The following ADGRB3 variants were observed in gnomAD, a reference collection of about 807,000 sequenced individuals.
ADGRB3 encodes brain-specific angiogenesis inhibitor 3.
ADGRB3 carries 37 observed loss-of-function variants against 193.4 expected under a neutral mutation model. That is an observed-to-expected ratio of 0.19 (90% confidence interval 0.15 to 0.25). ADGRB3 has a LOEUF of 0.25. Ranked by LOEUF, ADGRB3 falls within the 10% of genes least tolerant of loss-of-function variation. The pLI, the probability that ADGRB3 is intolerant of heterozygous loss-of-function variation, is 1.00. For missense variants in ADGRB3, 1,637 were observed against 1,852.9 expected, an observed-to-expected ratio of 0.88 and a Z score of 2.14; for synonymous variants, 690 against 644.2, an observed-to-expected ratio of 1.07 and a Z score of -1.08.
intron 17 of ADGRB3, among the ~76,000 whole-genome samples, chr6:69,088,265 CA>C (rs1410197531): frequency 2.0e-5 from 3 of 152,044 alleles, no homozygotes; most frequent in Non-Finnish European, 4.4e-5. Context: ...CAAAAAGTGT[CA>C]AGTTTTATGT....
Position 69,012,309 on chromosome 6 carries a change from A to G in ADGRB3, c.1930-1729A>G, listed in dbSNP as rs189631228. Among the ~76,000 whole-genome samples the G allele has an allele frequency of 3.3e-5, 5 of 152,084 alleles. No individual in the cohort carries two copies. The East Asian group carries it at 7.8e-4, about 24-fold the overall frequency. ...TTGTTAGCAGCAGCATGCATTTTGTATGAAAGCTGGCAGGGGTTAGAATGC... is the reference window on the plus strand; with the variant it reads ...TTGTTAGCAGCAGCATGCATTTTGTGTGAAAGCTGGCAGGGGTTAGAATGC... On this transcript the variant is annotated intron_variant, in intron 11 of 31. Coordinates refer to ENST00000370598, the MANE Select transcript of ADGRB3 (RefSeq NM_001704.3).
intron 3 of ADGRB3, among the ~76,000 whole-genome samples, chr6:68,765,948 T>G (rs969801707): frequency 2.6e-5 from 4 of 152,016 alleles, no homozygotes; most frequent in African/African-American, 7.2e-5. Flanking sequence ...ATTTATTCAG[T>G]TTTTTGAAAT....
intron 3 of ADGRB3, among the ~76,000 whole-genome samples, chr6:68,926,584 T>A (rs769100571): frequency 6.6e-6 from 1 of 152,130 alleles, no homozygotes; most frequent in Non-Finnish European, 1.5e-5. Flanking sequence ...ATGGCCTAGG[T>A]GAGGATGACT....
intron 17 of ADGRB3, among the ~76,000 whole-genome samples, chr6:69,133,921 G>T (rs959098579): frequency 2.6e-5 from 4 of 152,112 alleles, no homozygotes; most frequent in African/African-American, 9.6e-5. Context: ...CCTCTTATAA[G>T]TGAGATCATA....
intron 3 of ADGRB3, among the ~76,000 whole-genome samples, chr6:68,747,286 G>A (rs779873157): frequency 3.9e-5 from 6 of 152,034 alleles, no homozygotes; most frequent in Non-Finnish European, 7.4e-5. Flanking sequence ...GTGTGTAAGC[G>A]GCCCTATGTG....
intron 16 of ADGRB3, 144 bp downstream of exon 16, chr6:69,063,180 G>C (rs898312685): frequency 1.5e-5 from 8 of 531,660 alleles, no homozygotes; most frequent in Non-Finnish European, 2.6e-5. Flanking sequence ...GTATTATAAA[G>C]AAACAGAATG....
intron 3 of ADGRB3, among the ~76,000 whole-genome samples, chr6:68,787,707 T>C (rs1562029784): frequency 6.6e-6 from 1 of 152,178 alleles, no homozygotes; most frequent in Non-Finnish European, 1.5e-5. Flanking sequence ...TTCTATTGAT[T>C]GGAATAGTTT....
intron 3 of ADGRB3, among the ~76,000 whole-genome samples, chr6:68,922,945 T>C (rs186368806): frequency 1.1e-4 from 16 of 152,268 alleles, no homozygotes; most frequent in South Asian, 2.1e-4. Flanking sequence ...ATTAAAGGAA[T>C]TTTTACGTAG....
chr6:68,989,875 A>G (rs1181641386), intron 10 of ADGRB3, among the ~76,000 whole-genome samples: 2 of 152,172 alleles, frequency 1.3e-5, no homozygotes, highest in East Asian at 3.9e-4. Flanking sequence ...AGAACCAGGG[A>G]GAAAACAGTA....
intron 3 of ADGRB3, among the ~76,000 whole-genome samples, chr6:68,679,244 A>T (rs1764835625): frequency 6.6e-6 from 1 of 152,212 alleles, no homozygotes; most frequent in Admixed American, 6.5e-5. Context: ...ACACAATAGA[A>T]CTTTATTTCT....
At chr6:69,349,480 G>A (rs1769176962) in intron 26 of ADGRB3, among the ~76,000 whole-genome samples, 1 of 141,066 alleles carries the variant, frequency 7.1e-6, no homozygotes, top group East Asian at 2.2e-4. Context: ...TATTGACTTT[G>A]CTATCAGCAA....
At chr6:68,905,966 C>T (rs1304298608) in intron 3 of ADGRB3, among the ~76,000 whole-genome samples, 1 of 151,988 alleles carries the variant, frequency 6.6e-6, no homozygotes, top group Non-Finnish European at 1.5e-5. Context: ...AAAAAAGTTT[C>T]CTGCTTGACT....
chr6:69,187,191 G>A (rs955068753), intron 17 of ADGRB3, among the ~76,000 whole-genome samples: 4 of 152,020 alleles, frequency 2.6e-5, no homozygotes, highest in African/African-American at 9.7e-5. Flanking sequence ...GAAAGAGTAA[G>A]ACCAAGAGAA....
chr6:69,297,242 A>G (rs779465310), intron 20 of ADGRB3, among the ~76,000 whole-genome samples: 7 of 152,034 alleles, frequency 4.6e-5, no homozygotes, highest in African/African-American at 7.2e-5. Flanking sequence ...TATCAGCCCA[A>G]TAAATGCTAA....
At chr6:69,143,004 G>A (rs1458070791) in intron 17 of ADGRB3, among the ~76,000 whole-genome samples, 1 of 152,146 alleles carries the variant, frequency 6.6e-6, no homozygotes, top group Non-Finnish European at 1.5e-5. Context: ...CACCAACAGT[G>A]GATGAAGGTT....
chr6:69,355,815 T>C lies in ADGRB3; in HGVS notation c.3556-6T>C. The C allele has an allele frequency of 6.2e-7, 1 of 1,605,136 alleles. No individual in the cohort carries two copies. Among genetic ancestry groups the C allele is most frequent in the Middle Eastern group, 1.7e-4 (1 of 5,986 alleles). On this transcript the variant is annotated splice_polypyrimidine_tract_variant and splice_region_variant and intron_variant, in intron 27 of 31. Transcript: ENST00000370598. ...TGGTTCTATGTCTTATTATTTATTGTTACAGACAGACTTTGAAAAGGATGT... is the reference window on the plus strand; with the variant it reads ...TGGTTCTATGTCTTATTATTTATTGCTACAGACAGACTTTGAAAAGGATGT...
At chr6:68,870,152 A>G (rs1765417128) in intron 3 of ADGRB3, among the ~76,000 whole-genome samples, 1 of 152,188 alleles carries the variant, frequency 6.6e-6, no homozygotes, top group Admixed American at 6.5e-5. Flanking sequence ...ATTTTTACTG[A>G]ATATCCTATA....
At chr6:69,112,675 TA>T (rs781542178) in intron 17 of ADGRB3, among the ~76,000 whole-genome samples, 2 of 151,742 alleles carry the variant, frequency 1.3e-5, no homozygotes, top group African/African-American at 2.4e-5. Context: ...AAAATAAAAA[TA>T]AAAAAAGACA....
intron 3 of ADGRB3, among the ~76,000 whole-genome samples, chr6:68,853,749 A>G (rs1220990713): frequency 6.6e-6 from 1 of 152,164 alleles, no homozygotes; most frequent in Non-Finnish European, 1.5e-5. Flanking sequence ...ACTTGCAAAA[A>G]AAAAGTAAAA....
Sources: allele counts gnomAD v4.1 joint callset (sites outside exome capture counted in the v4.1 genomes callset), GRCh38; gene constraint gnomAD v4.1.1; transcripts MANE v1.5; gene names NCBI Gene and HGNC (gene_info 2026-07-23, HGNC 2026-07-21).